The following DENND4C variants were observed in gnomAD, a reference collection of about 807,000 sequenced individuals.
DENND4C encodes DENN domain-containing protein 4C.
A neutral mutation model predicts 203.0 loss-of-function variants in DENND4C; 108 were observed. The ratio of observed to expected loss-of-function variants is 0.53; its 90% confidence interval spans 0.46 to 0.62. DENND4C has a LOEUF of 0.62. Among genes scored for constraint, DENND4C ranks in the 20% least tolerant of loss-of-function variants. The pLI, the probability that DENND4C is intolerant of heterozygous loss-of-function variation, is 0.00. For missense variants in DENND4C, 2,481 were observed against 2,301.2 expected (o/e 1.08, Z -1.60); for synonymous variants, 871 against 792.4 (o/e 1.10, Z -1.67).
At chr9:19,271,810 G>A (rs1056234650) in intron 1 of DENND4C, among the ~76,000 whole-genome samples, 21 of 150,990 alleles carry the variant, frequency 1.4e-4, no homozygotes, top group African/African-American at 4.1e-4. Context: ...CGAAGGTTGC[G>A]TTGAGTTGAG....
chr9:19,251,356 GA>G (rs1454914719), intron 1 of DENND4C, among the ~76,000 whole-genome samples: 1 of 152,216 alleles, frequency 6.6e-6, no homozygotes, highest in Admixed American at 6.5e-5. Context: ...ACAGCAAGGG[GA>G]TGCTGGGCCC....
At chr9:19,319,292 GTA>G (rs1157321958) in intron 12 of DENND4C, among the ~76,000 whole-genome samples, 45 of 139,796 alleles carry the variant, frequency 3.2e-4, no homozygotes, top group Admixed American at 1.8e-3. Flanking sequence ...ACATTTGTGT[GTA>G]TATATATACA....
At chr9:19,333,379 G>A (rs1819717483) in intron 17 of DENND4C, among the ~76,000 whole-genome samples, 2 of 152,132 alleles carry the variant, frequency 1.3e-5, no homozygotes, top group South Asian at 2.1e-4. Flanking sequence ...TCTCAACTTT[G>A]GCACTATTGA....
Position 19,289,567 on chromosome 9 carries a change from G to A in DENND4C, c.628+902G>A, listed in dbSNP as rs971799286. Among the ~76,000 whole-genome samples, 29 of 152,182 alleles carry A rather than the reference G, an allele frequency of 1.9e-4. 2 individuals carry two copies. The highest frequency in any genetic ancestry group is 1.0e-3 in the South Asian group (5 of 4,816). ...CTGTAGGCTGGGCATGGTGGCTCAC[G>A]CCTGTAATTCCAGCACTTTGGGAGA... On this transcript the variant is annotated intron_variant, in intron 4 of 32. Transcript: ENST00000434457.
intron 1 of DENND4C, among the ~76,000 whole-genome samples, chr9:19,237,177 C>T (rs556825310): frequency 5.3e-5 from 8 of 152,028 alleles, no homozygotes; most frequent in African/African-American, 2.4e-5. Context: ...CGCACCACCA[C>T]GCCCGGCTAA....
chr9:19,236,342 G>T (rs1450436524), intron 1 of DENND4C, among the ~76,000 whole-genome samples: 1 of 152,132 alleles, frequency 6.6e-6, no homozygotes, highest in African/African-American at 2.4e-5. Context: ...ATTAGAGAAG[G>T]TTTACATAGA....
chr9:19,338,554 C>T (rs1444765338), intron 20 of DENND4C, among the ~76,000 whole-genome samples: 2 of 152,178 alleles, frequency 1.3e-5, no homozygotes, highest in African/African-American at 2.4e-5. Context: ...TGTAGAACTT[C>T]TGGCGATGCC....
At chr9:19,334,147 C>G (rs1466925514) in intron 17 of DENND4C, among the ~76,000 whole-genome samples, 2 of 152,202 alleles carry the variant, frequency 1.3e-5, no homozygotes, top group Non-Finnish European at 2.9e-5. Flanking sequence ...CGGGTTCCAG[C>G]AATTCTACTG....
At chr9:19,236,591 G>A (rs1370204862) in intron 1 of DENND4C, among the ~76,000 whole-genome samples, 1 of 152,196 alleles carries the variant, frequency 6.6e-6, no homozygotes, top group Non-Finnish European at 1.5e-5. Flanking sequence ...CATTAAGAGG[G>A]AGGGATTGGG....
chr9:19,299,396 T>C (rs1588872263), intron 8 of DENND4C, 109 bp downstream of exon 8: 2 of 737,224 alleles, frequency 2.7e-6, no homozygotes, highest in African/African-American at 1.9e-5. Flanking sequence ...TATTTTACAA[T>C]TAACTTTATT....
intron 1 of DENND4C, among the ~76,000 whole-genome samples, chr9:19,260,606 C>G (rs937563119): frequency 6.6e-5 from 10 of 152,114 alleles, no homozygotes; most frequent in Non-Finnish European, 1.5e-4. Flanking sequence ...TTATGTTGGC[C>G]AGGCTGGTCT....
intron 12 of DENND4C, among the ~76,000 whole-genome samples, chr9:19,319,850 G>A (rs1004407615): frequency 6.6e-6 from 1 of 152,178 alleles, no homozygotes; most frequent in African/African-American, 2.4e-5. Flanking sequence ...ATTCCTTGAA[G>A]AAATAACAAG....
intron 12 of DENND4C, 30 bp downstream of exon 12, chr9:19,316,869 T>C (rs750717702): frequency 4.7e-5 from 72 of 1,542,340 alleles, no homozygotes; most frequent in Admixed American, 8.0e-5. Flanking sequence ...CAATTCCTTT[T>C]ATTGAGGTGA....
chr9:19,335,427 T>C (rs1276168000), intron 18 of DENND4C, among the ~76,000 whole-genome samples: 1 of 152,178 alleles, frequency 6.6e-6, no homozygotes, highest in African/African-American at 2.4e-5. Context: ...GTCCCCATGT[T>C]GTTCAATAGA....
At chr9:19,249,734 T>C (rs1826104673) in intron 1 of DENND4C, among the ~76,000 whole-genome samples, 1 of 152,202 alleles carries the variant, frequency 6.6e-6, no homozygotes, top group Non-Finnish European at 1.5e-5. Context: ...TCACAGGCTA[T>C]AATGCAGTGG....
At position 19,352,501 on chromosome 9, in the gene DENND4C, C is replaced by G. The variant is rs1256081457; in HGVS notation, c.4617C>G (p.Ser1539=). The G allele has an allele frequency of 6.3e-7, 1 of 1,581,168 alleles. No homozygotes were observed. The highest frequency in any genetic ancestry group is 8.6e-7 in the Non-Finnish European group (1 of 1,164,376). Residue 1539 remains serine, a synonymous_variant, in exon 26 of 33, where the codon TCC becomes TCG. Transcript: ENST00000434457. The part of the protein sequence containing the change: ...YQNCAMEVLM[S]SCSQCRACGA... ...TTTTCTGTTTTTAGGTTTTGATGTC[C>G]AGTTGTTCACAGTGTAGAGCTTGTG...
chr9:19,293,261 A>G (rs1836742472), intron 5 of DENND4C, among the ~76,000 whole-genome samples: 2 of 152,250 alleles, frequency 1.3e-5, no homozygotes, highest in African/African-American at 4.8e-5. Context: ...TTTAGGGGAT[A>G]TCAACATGTA....
intron 31 of DENND4C, among the ~76,000 whole-genome samples, chr9:19,371,055 G>A (rs188441651): frequency 2.4e-3 from 364 of 152,344 alleles, no homozygotes; most frequent in Middle Eastern, 0.014. Flanking sequence ...TATTAGAAAT[G>A]TCATATTATG....
intron 29 of DENND4C, 36 bp from the exon 30 acceptor site, chr9:19,361,810 C>T: frequency 7.9e-7 from 1 of 1,263,484 alleles, no homozygotes; most frequent in Non-Finnish European, 1.2e-6. Context: ...AATTGTTATT[C>T]TCGGGATACT....
Sources: gnomAD v4.1 joint callset for allele counts (sites outside exome capture counted in the v4.1 genomes callset) on GRCh38, gnomAD v4.1.1 for gene constraint, MANE v1.5 for transcripts, NCBI Gene and HGNC (gene_info 2026-07-23, HGNC 2026-07-21) for gene names.